The following XPNPEP3 variants were observed in gnomAD, a reference collection of about 807,000 sequenced individuals.
The protein encoded by XPNPEP3 is X-prolyl aminopeptidase 3.
A neutral mutation model predicts 60.0 loss-of-function variants in XPNPEP3; 41 were observed. That is an observed-to-expected ratio of 0.68 (90% CI 0.53 to 0.89). The LOEUF (loss-of-function observed/expected upper bound fraction) is 0.89, where lower values mean the gene tolerates loss of function less well. Among genes scored for constraint, XPNPEP3 ranks in the 40% least tolerant of loss-of-function variants. The pLI, the probability that XPNPEP3 is intolerant of heterozygous loss-of-function variation, is 0.00. For synonymous variants in XPNPEP3, 212 were observed against 223.2 expected, an observed-to-expected ratio of 0.95 and a Z score of 0.45; for missense variants, 598 against 638.9, an observed-to-expected ratio of 0.94 and a Z score of 0.69.
intron 6 of XPNPEP3, among the ~76,000 whole-genome samples, chr22:40,910,766 G>GAA (rs1273171249): frequency 6.6e-6 from 1 of 152,132 alleles, no homozygotes; most frequent in African/African-American, 2.4e-5. Context: ...AGCACTTTGG[G>GAA]AGGCCGAGGT....
intron 1 of XPNPEP3, chr22:40,861,177 A>G: frequency 1.2e-6 from 2 of 1,614,086 alleles, no homozygotes; most frequent in Non-Finnish European, 1.7e-6. Context: ...GTTGCTGGTA[A>G]CCCAAGATAT....
intron 3 of XPNPEP3, among the ~76,000 whole-genome samples, chr22:40,885,847 T>C (rs1282941489): frequency 6.6e-6 from 1 of 152,150 alleles, no homozygotes; most frequent in Non-Finnish European, 1.5e-5. Context: ...CTGGGCATGG[T>C]GGCGGGCACC....
intron 2 of XPNPEP3, among the ~76,000 whole-genome samples, chr22:40,874,478 T>C (rs2058020000): frequency 6.6e-6 from 1 of 152,042 alleles, no homozygotes; most frequent in Non-Finnish European, 1.5e-5. Flanking sequence ...AAGGTTGGAG[T>C]ACAGTGCCGA....
At chr22:40,926,230 A>G (rs374083299) in intron 9 of XPNPEP3, 39 bp from the exon 10 acceptor site, 21 of 1,613,364 alleles carry the variant, frequency 1.3e-5, no homozygotes, top group Admixed American at 3.3e-5. Context: ...CCCAGTTACT[A>G]TCATTCCTGA....
intron 1 of XPNPEP3, among the ~76,000 whole-genome samples, chr22:40,868,721 CT>C (rs1251428890): frequency 6.6e-6 from 1 of 152,040 alleles, no homozygotes; most frequent in Non-Finnish European, 1.5e-5. Flanking sequence ...TGGCACGCAC[CT>C]GTAATCCCAG....
intron 4 of XPNPEP3, among the ~76,000 whole-genome samples, chr22:40,892,307 C>A (rs2058091389): frequency 1.3e-5 from 2 of 152,154 alleles, no homozygotes; most frequent in Admixed American, 6.5e-5. Flanking sequence ...GCCTCAGCCT[C>A]CCAAATAGCT....
intron 2 of XPNPEP3, among the ~76,000 whole-genome samples, chr22:40,869,455 C>A (rs1036560033): frequency 1.3e-5 from 2 of 152,100 alleles, no homozygotes; most frequent in East Asian, 3.8e-4. Context: ...AAGCAAAGTT[C>A]TATTTCTAAG....
chr22:40,909,387 T>C, intron 6 of XPNPEP3, 152 bp downstream of exon 6: 1 of 698,912 alleles, frequency 1.4e-6, no homozygotes, highest in Non-Finnish European at 2.5e-6. Flanking sequence ...ACAGACATTA[T>C]CTCATTTTGT....
At chr22:40,873,592 C>T (rs1463107699) in intron 2 of XPNPEP3, among the ~76,000 whole-genome samples, 1 of 151,734 alleles carries the variant, frequency 6.6e-6, no homozygotes, top group Non-Finnish European at 1.5e-5. Flanking sequence ...GCCTGGGCAA[C>T]GTAGTGAGAC....
chr22:40,900,364 G>A (rs1206348102), intron 4 of XPNPEP3, among the ~76,000 whole-genome samples: 1 of 151,462 alleles, frequency 6.6e-6, no homozygotes, highest in Non-Finnish European at 1.5e-5. Flanking sequence ...CAGTACTTTG[G>A]GAGGCTGAGG....
At chr22:40,920,475 T>C (rs1907277289) in intron 7 of XPNPEP3, among the ~76,000 whole-genome samples, 2 of 152,172 alleles carry the variant, frequency 1.3e-5, no homozygotes, top group African/African-American at 4.8e-5. Flanking sequence ...CAGTCCAAAC[T>C]CAGGCAGGGT....
chr22:40,859,207 A>G (rs1328175981), intron 1 of XPNPEP3, among the ~76,000 whole-genome samples: 6 of 152,310 alleles, frequency 3.9e-5, no homozygotes, highest in Non-Finnish European at 7.3e-5. Flanking sequence ...GCATAAGATG[A>G]GTACAAGGAG....
chr22:40,907,166 A>G (rs1240969869), intron 4 of XPNPEP3: 1 of 457,384 alleles, frequency 2.2e-6, no homozygotes, highest in Non-Finnish European at 4.4e-6. Flanking sequence ...TCACGCCTGT[A>G]TTCCCATCAC....
intron 2 of XPNPEP3, among the ~76,000 whole-genome samples, chr22:40,878,242 G>A (rs2058034918): frequency 6.6e-6 from 1 of 151,782 alleles, no homozygotes; most frequent in Non-Finnish European, 1.5e-5. Flanking sequence ...GATGGAGAGT[G>A]CTTTGTTGCG....
Position 40,929,672 on chromosome 22 carries a change from T to C in XPNPEP3, c.*3237T>C, listed in dbSNP as rs961654522. On this transcript the variant is annotated 3_prime_UTR_variant, in exon 10 of 10. Transcript: ENST00000357137. ...TGATTTTCAGTCCCTGACCCAGGTA[T>C]ATTGTCCTTTGAGTCCCAGATTAAC... 1 of 152,198 alleles carries C rather than the reference T, an allele frequency of 6.6e-6. No homozygotes were observed. The highest frequency in any genetic ancestry group is 6.5e-5 in the Admixed American group (1 of 15,268). The allele number at this position is 152,198 out of a possible 1,614,324, so 9.4% of individuals were successfully genotyped here.
At chr22:40,906,301 G>A (rs936892771) in intron 4 of XPNPEP3, among the ~76,000 whole-genome samples, 1 of 151,822 alleles carries the variant, frequency 6.6e-6, no homozygotes, top group African/African-American at 2.4e-5. Context: ...TGCATCTGTA[G>A]TCCCAGCTAC....
At chr22:40,867,165 C>A (rs1042636404) in intron 1 of XPNPEP3, among the ~76,000 whole-genome samples, 1 of 152,076 alleles carries the variant, frequency 6.6e-6, no homozygotes, top group Non-Finnish European at 1.5e-5. Context: ...TTAACTGTCA[C>A]GTGAGGTAGG....
chr22:40,890,125 C>G (rs1168881360), intron 4 of XPNPEP3, among the ~76,000 whole-genome samples: 1 of 152,182 alleles, frequency 6.6e-6, no homozygotes, highest in African/African-American at 2.4e-5. Context: ...TGATCATCAT[C>G]ATCAGTATTA....
chr22:40,905,199 C>T (rs1325226963), intron 4 of XPNPEP3, among the ~76,000 whole-genome samples: 1 of 152,002 alleles, frequency 6.6e-6, no homozygotes. Context: ...CCTGCCTCAG[C>T]CTCCCGAGTA....
Sources: allele counts gnomAD v4.1 joint callset (sites outside exome capture counted in the v4.1 genomes callset), GRCh38; gene constraint gnomAD v4.1.1; transcripts MANE v1.5; gene names NCBI Gene and HGNC (gene_info 2026-07-23, HGNC 2026-07-21).